The following LUZP1 variants were observed in gnomAD, a reference collection of about 807,000 sequenced individuals.
LUZP1 encodes filamin mechanobinding actin cross-linking protein.
A neutral mutation model predicts 71.3 loss-of-function variants in LUZP1; 25 were observed. The ratio of observed to expected loss-of-function variants is 0.35; its 90% CI spans 0.26 to 0.49. LUZP1 has a LOEUF of 0.49. Among genes scored for constraint, LUZP1 ranks in the 20% least tolerant of loss-of-function variants. The pLI, the probability that LUZP1 is intolerant of heterozygous loss-of-function variation, is 0.99. For missense variants in LUZP1, 1,142 were observed against 1,300.8 expected (o/e 0.88, Z 1.88); for synonymous variants, 481 against 506.4 (o/e 0.95, Z 0.67).
chr1:23,094,240 T>C lies in LUZP1; in HGVS notation c.22A>G (p.Lys8Glu). The change falls in exon 4 of 5, where the codon AAG becomes GAG. Residue 8 changes from lysine (K) to glutamate (E), a missense_variant. Coordinates refer to ENST00000302291, the Ensembl canonical transcript of LUZP1. The surrounding 1 kb of genome is among the most constrained non-coding windows in gnomAD (Gnocchi z 4.7). ...AAGTGGCGGCTGGAGGCCGTCTCCT[T>C]GTAGCTTGTAAATTCGGCCATGTCT... The C allele has an allele frequency of 1.2e-6, 2 of 1,607,584 alleles. No individual in the cohort carries two copies. Among genetic ancestry groups the C allele is most frequent in the African/African-American group, 1.3e-5 (1 of 74,568 alleles).
At chr1:23,139,768 C>G (rs974895250) in intron 2 of LUZP1, among the ~76,000 whole-genome samples, 2 of 151,988 alleles carry the variant, frequency 1.3e-5, no homozygotes, top group African/African-American at 4.8e-5. Context: ...GGCAACATAG[C>G]AAGACCTCGT....
At chr1:23,100,774 T>G (rs568116646) in intron 3 of LUZP1, among the ~76,000 whole-genome samples, 7 of 152,328 alleles carry the variant, frequency 4.6e-5, no homozygotes, top group African/African-American at 1.7e-4. Context: ...AGCAACTGAT[T>G]TTTAGCTTCT....
At chr1:23,159,674 A>G (rs1053605209) in intron 2 of LUZP1, among the ~76,000 whole-genome samples, 10 of 152,258 alleles carry the variant, frequency 6.6e-5, no homozygotes, top group African/African-American at 2.4e-4. Flanking sequence ...TGCCTGTCAC[A>G]TAGCCAATGG....
chr1:23,176,756 C>A (rs576468686), intron 1 of LUZP1, among the ~76,000 whole-genome samples: 12 of 152,314 alleles, frequency 7.9e-5, no homozygotes, highest in Non-Finnish European at 1.3e-4. Flanking sequence ...CCCCAAGTTG[C>A]TACAGAGTAA....
At chr1:23,167,967 G>A (rs1159289694) in intron 2 of LUZP1, among the ~76,000 whole-genome samples, 1 of 151,604 alleles carries the variant, frequency 6.6e-6, no homozygotes, top group Non-Finnish European at 1.5e-5. Flanking sequence ...GGGAGGCCCC[G>A]GCCCCGCTCG....
Position 23,117,536 on chromosome 1 carries a change from T to A in LUZP1, c.-225-8409A>T, listed in dbSNP as rs1190461129. Among the ~76,000 whole-genome samples the A allele has an allele frequency of 6.8e-4, 74 of 109,068 alleles. 1 individual carries two copies. The highest frequency in any genetic ancestry group is 1.2e-3 in the Admixed American group (10 of 8,278). 71.6% of individuals were successfully genotyped at this position (109,068 alleles called of 152,430 possible). Reference sequence around the variant, plus strand: ...GGGGGGGGCGGGGGGGGGGAACACCTTGAGAAAGTAACTTGCCCAGTTACA... The same window carrying A: ...GGGGGGGGCGGGGGGGGGGAACACCATGAGAAAGTAACTTGCCCAGTTACA... On this transcript the variant is annotated intron_variant, in intron 2 of 4. Coordinates refer to ENST00000302291, the Ensembl canonical transcript of LUZP1.
At chr1:23,096,276 A>C (rs1256140323) in intron 3 of LUZP1, among the ~76,000 whole-genome samples, 2 of 152,182 alleles carry the variant, frequency 1.3e-5, no homozygotes, top group African/African-American at 4.8e-5. Flanking sequence ...GTCAAGAGAG[A>C]TACGTAATTA....
intron 2 of LUZP1, among the ~76,000 whole-genome samples, chr1:23,155,614 A>T (rs140017369): frequency 3.9e-5 from 6 of 152,366 alleles, no homozygotes; most frequent in African/African-American, 1.4e-4. Context: ...TGGTTTCATC[A>T]TTAGTCCTCA....
intron 2 of LUZP1, among the ~76,000 whole-genome samples, chr1:23,141,337 C>T (rs150725226): frequency 6.6e-6 from 1 of 152,294 alleles, no homozygotes; most frequent in African/African-American, 2.4e-5. Flanking sequence ...CCAGTGTATC[C>T]CTTGAGCCTC....
chr1:23,162,743 T>C, intron 2 of LUZP1: 1 of 152,166 alleles, frequency 6.6e-6, no homozygotes, highest in Non-Finnish European at 1.5e-5. Flanking sequence ...ATTGGAATGG[T>C]ACAGGGAAGA....
chr1:23,113,884 A>G (rs1457636206), intron 2 of LUZP1, among the ~76,000 whole-genome samples: 1 of 152,134 alleles, frequency 6.6e-6, no homozygotes, highest in Non-Finnish European at 1.5e-5. Flanking sequence ...GTCTCAAAAA[A>G]AGAAAAAAAA....
At chr1:23,140,154 T>C (rs963895094) in intron 2 of LUZP1, among the ~76,000 whole-genome samples, 16 of 152,038 alleles carry the variant, frequency 1.1e-4, no homozygotes, top group African/African-American at 3.9e-4. Flanking sequence ...CTCTTGGTGC[T>C]TCCTTCAGGA....
At chr1:23,137,022 T>C (rs748050108) in intron 2 of LUZP1, among the ~76,000 whole-genome samples, 6 of 152,252 alleles carry the variant, frequency 3.9e-5, no homozygotes, top group Admixed American at 2.0e-4. Context: ...CTATCTGTCA[T>C]ATGGCAATCA....
At chr1:23,140,122 G>GT (rs1557674176) in intron 2 of LUZP1, among the ~76,000 whole-genome samples, 9 of 151,910 alleles carry the variant, frequency 5.9e-5, no homozygotes, top group African/African-American at 2.2e-4. Flanking sequence ...TTTCCTCCAG[G>GT]AGTCCAAGAG....
intron 2 of LUZP1, among the ~76,000 whole-genome samples, chr1:23,129,142 T>C (rs1194606187): frequency 1.3e-5 from 2 of 152,256 alleles, no homozygotes; most frequent in Non-Finnish European, 2.9e-5. Flanking sequence ...AGAGACTGTT[T>C]AGAAGCTACT....
intron 2 of LUZP1, among the ~76,000 whole-genome samples, chr1:23,144,371 A>G (rs555727099): frequency 6.6e-6 from 1 of 152,204 alleles, no homozygotes; most frequent in East Asian, 1.9e-4. Context: ...AAGGGAAAAA[A>G]GCCCTAGAAA....
chr1:23,118,391 C>G (rs1475871876), intron 2 of LUZP1, among the ~76,000 whole-genome samples: 1 of 152,040 alleles, frequency 6.6e-6, no homozygotes, highest in Non-Finnish European at 1.5e-5. Flanking sequence ...GAGCAAGACT[C>G]CATCTCAAAA....
At chr1:23,130,852 A>G (rs1217720561) in intron 2 of LUZP1, among the ~76,000 whole-genome samples, 1 of 151,788 alleles carries the variant, frequency 6.6e-6, no homozygotes, top group Non-Finnish European at 1.5e-5. Flanking sequence ...GAGACCTCTC[A>G]CTCAATGTTC....
intron 2 of LUZP1, among the ~76,000 whole-genome samples, chr1:23,142,152 C>T (rs1569656621): frequency 6.6e-6 from 1 of 151,582 alleles, no homozygotes; most frequent in Admixed American, 6.6e-5. Flanking sequence ...GGCAAAAGCC[C>T]AGCTAATTTT....
Sources: allele counts gnomAD v4.1 joint callset (sites outside exome capture counted in the v4.1 genomes callset), GRCh38; gene constraint gnomAD v4.1.1; non-coding constraint Gnocchi (gnomAD v3.1); transcripts MANE v1.5; gene names NCBI Gene and HGNC (gene_info 2026-07-23, HGNC 2026-07-21).